Variants in CDH20 observed in about 807,000 individuals in gnomAD.
CDH20 encodes the protein cadherin-20.
A neutral mutation model predicts 74.2 loss-of-function variants in CDH20; 29 were observed. The observed-to-expected ratio is 0.39, with a 90% CI of 0.29 to 0.53. The LOEUF is 0.53. Ranked by LOEUF, CDH20 falls within the 20% of genes least tolerant of loss-of-function variation. CDH20 has a pLI of 0.69. For synonymous variants in CDH20, 469 were observed against 405.4 expected (o/e 1.16, Z -1.88); for missense variants, 988 against 1,048.3 (o/e 0.94, Z 0.79).
chr18:61,509,254 T>C (rs1184576454), intron 6 of CDH20, among the ~76,000 whole-genome samples: 7 of 152,178 alleles, frequency 4.6e-5, no homozygotes, highest in African/African-American at 1.7e-4. Context: ...AATTGGGTGA[T>C]TGGGACTGGT....
intron 1 of CDH20, among the ~76,000 whole-genome samples, chr18:61,335,466 C>T (rs1909726599): frequency 6.6e-6 from 1 of 152,106 alleles, no homozygotes; most frequent in African/African-American, 2.4e-5. Flanking sequence ...CCACGCTGGC[C>T]ACATCCCTTC....
chr18:61,526,121 CTTTTTTTTTT>C (rs765492185), intron 6 of CDH20, among the ~76,000 whole-genome samples: 4 of 90,208 alleles, frequency 4.4e-5, no homozygotes, highest in South Asian at 3.7e-4. Context: ...AAAAAGTTGA[CTTTTTTTTTT>C]TTTTTTTTTT....
chr18:61,507,428 A>T lies in CDH20; in HGVS notation c.885A>T (p.Arg295Ser). 6.2e-7 allele frequency: 1 copy of T among 1,614,054 alleles called. No individual in the cohort carries two copies. The highest frequency in any genetic ancestry group is 8.5e-7 in the Non-Finnish European group (1 of 1,179,980). ...ESAPISSTVG[R>S]VFAKDLDEGI... ...CTCCAATTAGCTCCACTGTCGGGAG[A>T]GTGTTTGCCAAGGACTTGGATGAAG... Residue 295 changes from arginine to serine, a missense_variant, in exon 6 of 12, where the codon AGA (arginine) becomes AGT (serine). Arg to Ser is a moderately radical substitution (Grantham distance 110). Transcript: ENST00000262717.
intron 1 of CDH20, among the ~76,000 whole-genome samples, chr18:61,384,991 A>C (rs573382105): frequency 1.4e-3 from 212 of 152,274 alleles, no homozygotes; most frequent in African/African-American, 5.0e-3. Flanking sequence ...TAGATGCATT[A>C]TCTCCTTTTA....
At chr18:61,354,148 C>T (rs919251242) in intron 1 of CDH20, among the ~76,000 whole-genome samples, 1 of 152,286 alleles carries the variant, frequency 6.6e-6, no homozygotes, top group Middle Eastern at 3.4e-3. Flanking sequence ...GCTGTTAACT[C>T]CCACACTGGA....
In CDH20 at chr18:61,461,347, AAC is replaced by A. The variant is rs1370187073; in HGVS notation, c.-152-29054_-152-29053del. On this transcript the variant is annotated intron_variant, in intron 1 of 11. Coordinates refer to ENST00000262717, the MANE Select transcript of CDH20 (RefSeq NM_031891.4). ...GTGACTTAAAAAAAAAAAAAAAAAA[AAC>A]CAGAAATTTATTTTCTCAGTTCTGG... Among the ~76,000 whole-genome samples, 385 of 144,676 alleles carry A rather than the reference AAC, an allele frequency of 2.7e-3. 3 individuals are homozygous for A. Among genetic ancestry groups the A allele is most frequent in the African/African-American group, 7.2e-3 (270 of 37,284 alleles). The allele number at this position is 144,676 out of a possible 152,430, so 94.9% of individuals were successfully genotyped here.
At chr18:61,430,247 C>A (rs1186411764) in intron 1 of CDH20, among the ~76,000 whole-genome samples, 1 of 152,116 alleles carries the variant, frequency 6.6e-6, no homozygotes, top group African/African-American at 2.4e-5. Flanking sequence ...AAGAATATAT[C>A]CCTCTGCTTT....
intron 4 of CDH20, among the ~76,000 whole-genome samples, chr18:61,502,587 G>A (rs1911420154): frequency 6.6e-6 from 1 of 152,146 alleles, no homozygotes; most frequent in Non-Finnish European, 1.5e-5. Context: ...ATGAGGCTTT[G>A]TTTTCTGGAC....
intron 5 of CDH20, among the ~76,000 whole-genome samples, chr18:61,506,542 T>G (rs1911567382): frequency 6.6e-6 from 1 of 152,164 alleles, no homozygotes; most frequent in African/African-American, 2.4e-5. Context: ...TGTTATTTAG[T>G]CAGTCACATT....
chr18:61,422,097 C>G (rs1247597027), intron 1 of CDH20, among the ~76,000 whole-genome samples: 1 of 152,052 alleles, frequency 6.6e-6, no homozygotes, highest in African/African-American at 2.4e-5. Flanking sequence ...ATTCAGGGAC[C>G]TTAATGAGGA....
chr18:61,369,239 A>G (rs1910954411), intron 1 of CDH20, among the ~76,000 whole-genome samples: 1 of 152,150 alleles, frequency 6.6e-6, no homozygotes, highest in Admixed American at 6.6e-5. Context: ...ATCCGAGGTC[A>G]AATACTTGTA....
chr18:61,509,026 A>G (rs890309750), intron 6 of CDH20, among the ~76,000 whole-genome samples: 1 of 152,202 alleles, frequency 6.6e-6, no homozygotes, highest in Non-Finnish European at 1.5e-5. Context: ...CTAAGCTTTG[A>G]GGGCGTAAAG....
At position 61,528,092 on chromosome 18, in the gene CDH20, A is replaced by C. The variant is rs754557437; in HGVS notation, c.1143A>C (p.Glu381Asp). Residue 381 changes from glutamate to aspartate, a missense_variant, in exon 7 of 12, where the codon GAA becomes GAC. Coordinates refer to ENST00000262717, the MANE Select transcript of CDH20 (RefSeq NM_031891.4). ...CAACAACAGTGCACATCAGTGTGGA[A>C]GACGTGGACGAGCCCCCTGTGTTTG... ...QDTTTVHISV[E>D]DVDEPPVFEP... 6.2e-7 allele frequency: 1 copy of C among 1,614,190 alleles called. No individual in the cohort carries two copies. Among genetic ancestry groups the C allele is most frequent in the Non-Finnish European group, 8.5e-7 (1 of 1,180,034 alleles).
Position 61,528,090 on chromosome 18 carries a change from G to C in CDH20, c.1141G>C (p.Glu381Gln). The C allele has an allele frequency of 6.2e-7, 1 of 1,614,184 alleles. No homozygotes were observed. Among genetic ancestry groups the C allele is most frequent in the Non-Finnish European group, 8.5e-7 (1 of 1,180,034 alleles). The change falls in exon 7 of 12, where the codon GAA (glutamate) becomes CAA (glutamine). Residue 381 changes from glutamate to glutamine, a missense_variant. Transcript: ENST00000262717. ...QDTTTVHISV[E>Q]DVDEPPVFEP... Reference sequence around the variant, plus strand: ...CACAACAACAGTGCACATCAGTGTGGAAGACGTGGACGAGCCCCCTGTGTT... The same window carrying C: ...CACAACAACAGTGCACATCAGTGTGCAAGACGTGGACGAGCCCCCTGTGTT...
intron 1 of CDH20, among the ~76,000 whole-genome samples, chr18:61,370,590 T>A (rs534878187): frequency 3.9e-5 from 6 of 152,240 alleles, no homozygotes; most frequent in African/African-American, 1.4e-4. Context: ...TTAAAACAAC[T>A]CATCACCTCA....
intron 11 of CDH20, among the ~76,000 whole-genome samples, chr18:61,550,676 G>A (rs1477661814): frequency 6.6e-6 from 1 of 152,194 alleles, no homozygotes; most frequent in Non-Finnish European, 1.5e-5. Flanking sequence ...CAGAGGCACA[G>A]CCAGGGCTGA....
In CDH20 at chr18:61,554,320, C is replaced by T. The variant is rs201520474; in HGVS notation, c.2031C>T (p.Ala677=). The change falls in exon 12 of 12, where the codon GCC becomes GCT. Residue 677 remains alanine (A), a synonymous_variant. Coordinates refer to ENST00000262717, the MANE Select transcript of CDH20 (RefSeq NM_031891.4). ...DEGGGEEDTE[A]FDIAAMWNPR... ...GCGGCGGCGAGGAGGACACCGAGGCCTTCGACATCGCGGCCATGTGGAACC... is the reference window on the plus strand; with the variant it reads ...GCGGCGGCGAGGAGGACACCGAGGCTTTCGACATCGCGGCCATGTGGAACC... 1.5e-5 allele frequency: 24 copies of T among 1,613,766 alleles called. No homozygotes were observed. The highest frequency in any genetic ancestry group is 1.9e-5 in the Non-Finnish European group (23 of 1,179,974).
intron 5 of CDH20, among the ~76,000 whole-genome samples, chr18:61,505,105 C>T (rs1260219319): frequency 6.6e-6 from 1 of 152,112 alleles, no homozygotes; most frequent in Non-Finnish European, 1.5e-5. Context: ...TTCTTGAACA[C>T]CCTTGAACTA....
chr18:61,457,654 T>C (rs909916671), intron 1 of CDH20, among the ~76,000 whole-genome samples: 1 of 152,162 alleles, frequency 6.6e-6, no homozygotes, highest in South Asian at 2.1e-4. Flanking sequence ...GTTGGAAGGA[T>C]CAAATATGAT....
Sources: allele counts gnomAD v4.1 joint callset (sites outside exome capture counted in the v4.1 genomes callset), GRCh38; gene constraint gnomAD v4.1.1; transcripts MANE v1.5; gene names NCBI Gene and HGNC (gene_info 2026-07-23, HGNC 2026-07-21).